ZAR1L: variants seen among roughly 807,000 people sequenced by gnomAD.
The protein encoded by ZAR1L is protein ZAR1-like.
Under a neutral mutation model 30.0 loss-of-function variants are expected in ZAR1L, and 16 were observed. That is an observed-to-expected ratio of 0.53 (90% CI 0.36 to 0.81). The LOEUF (loss-of-function observed/expected upper bound fraction) is 0.81, where lower values mean the gene tolerates loss of function less well. Among genes scored for constraint, ZAR1L ranks in the 30% least tolerant of loss-of-function variants. The pLI is 0.00. For synonymous variants in ZAR1L, 197 were observed against 166.8 expected, an observed-to-expected ratio of 1.18 and a Z score of -1.40; for missense variants, 392 against 417.2, an observed-to-expected ratio of 0.94 and a Z score of 0.53.
Position 32,310,723 on chromosome 13 carries a change from T to C in ZAR1L, c.663A>G (p.Glu221=). The stretch of plus-strand genomic sequence containing the variant: ...TACAGTGGAAATAGCCATATTTTGG[T>C]TCCAAAAACTGAAAATAAAGAAGAA... ...PLRRPNFQFL[E]PKYGYFHCKD... Residue 221 remains glutamate, a synonymous_variant, in exon 4 of 6, where the codon GAA becomes GAG. Transcript: ENST00000533490. 1.3e-6 allele frequency: 2 copies of C among 1,550,182 alleles called. No individual in the cohort carries two copies. Among genetic ancestry groups the C allele is most frequent in the Non-Finnish European group, 1.7e-6 (2 of 1,145,664 alleles).
At chr13:32,312,202 G>T in intron 2 of ZAR1L, 109 bp from the exon 3 acceptor site, 2 of 398,578 alleles carry the variant, frequency 5.0e-6, no homozygotes, top group South Asian at 8.5e-5. Flanking sequence ...TTTCAAAGCT[G>T]TTTTTCATTT....
intron 5 of ZAR1L, among the ~76,000 whole-genome samples, chr13:32,305,415 A>G (rs1048317134): frequency 6.6e-6 from 1 of 151,738 alleles, no homozygotes. Context: ...TTTAGTAGAG[A>G]TGGGGTTTCA....
At chr13:32,309,357 T>A (rs1305446442) in intron 4 of ZAR1L, among the ~76,000 whole-genome samples, 1 of 152,206 alleles carries the variant, frequency 6.6e-6, no homozygotes, top group East Asian at 1.9e-4. Flanking sequence ...GTACACCAAG[T>A]ACCACAGTAG....
chr13:32,311,929 C>T lies in ZAR1L; in HGVS notation c.-4G>A. On this transcript the variant is annotated 5_prime_UTR_variant, in exon 3 of 6. Coordinates refer to ENST00000533490, the MANE Select transcript of ZAR1L (RefSeq NM_001136571.2). The stretch of plus-strand genomic sequence containing the variant: ...GAACACGGACAAAGCGCTCCATCCG[C>T]TCTCAGGTGCTCAGGCGCAGTCTAA... The T allele has an allele frequency of 6.5e-7, 1 of 1,541,194 alleles. No individual in the cohort carries two copies. Among genetic ancestry groups the T allele is most frequent in the South Asian group, 1.2e-5 (1 of 82,684 alleles).
chr13:32,307,698 C>A (rs1479289324), intron 5 of ZAR1L, among the ~76,000 whole-genome samples: 1 of 151,306 alleles, frequency 6.6e-6, no homozygotes, highest in Admixed American at 6.6e-5. Flanking sequence ...ACATTTAAAC[C>A]CAGTTTAATA....
At position 32,311,763 on chromosome 13, in the gene ZAR1L, C is replaced by T. The variant is rs1449491146; in HGVS notation, c.163G>A (p.Ala55Thr). 6.4e-7 allele frequency: 1 copy of T among 1,551,554 alleles called. No individual in the cohort carries two copies. The highest frequency in any genetic ancestry group is 8.7e-7 in the Non-Finnish European group (1 of 1,147,010). The change falls in exon 3 of 6, where the codon GCC (alanine) becomes ACC (threonine). Residue 55 changes from alanine to threonine, a missense_variant. By Grantham distance (58) the Ala-to-Thr change is moderately conservative. Transcript: ENST00000533490. ...TAAGGGTCAATGCAGTAGTCAGGGG[C>T]GTTCGCGGGCACCAGCAGCCCTGGC... ...ARPGLLVPAN[A>T]PDYCIDPYKR...
At chr13:32,304,613 T>C (rs1020526061) in intron 5 of ZAR1L, among the ~76,000 whole-genome samples, 1 of 152,192 alleles carries the variant, frequency 6.6e-6, no homozygotes, top group Non-Finnish European at 1.5e-5. Flanking sequence ...AATGTTTCTT[T>C]TCTTCTTCTT....
In ZAR1L at chr13:32,308,717, T is replaced by G. The variant is rs1219630003; in HGVS notation, c.791A>C (p.Asn264Thr). 6.4e-7 allele frequency: 1 copy of G among 1,551,304 alleles called. No homozygotes were observed. Among genetic ancestry groups the G allele is most frequent in the East Asian group, 2.4e-5 (1 of 40,872 alleles). The change falls in exon 5 of 6, where the codon AAC (asparagine) becomes ACC (threonine). Residue 264 changes from asparagine (N) to threonine (T), a missense_variant. Transcript: ENST00000533490. ...QLCCKCQKSF[N>T]PYRVEAIQCQ... Reference sequence around the variant, plus strand: ...TTGGATTGCTTCTACTCGATAAGGGTTAAAACTCTTTTGGCATTTACAACA... The same window carrying G: ...TTGGATTGCTTCTACTCGATAAGGGGTAAAACTCTTTTGGCATTTACAACA...
chr13:32,308,426 A>G (rs1182877004), intron 5 of ZAR1L, among the ~76,000 whole-genome samples: 1 of 152,280 alleles, frequency 6.6e-6, no homozygotes, highest in East Asian at 1.9e-4. Context: ...TTACATTACT[A>G]CATTCTAACT....
At chr13:32,308,793 C>G (rs1193797537) in intron 4 of ZAR1L, 33 bp from the exon 5 acceptor site, 3 of 1,410,134 alleles carry the variant, frequency 2.1e-6, no homozygotes, top group Admixed American at 4.0e-5. Flanking sequence ...TTAATACAAG[C>G]TTTTATACAC....
intron 5 of ZAR1L, 88 bp from the exon 6 acceptor site, chr13:32,304,110 A>C: frequency 7.3e-7 from 1 of 1,369,662 alleles, no homozygotes; most frequent in Non-Finnish European, 9.7e-7. Context: ...TCTCCCTATT[A>C]CCCTATCCCT....
rs1007027185 is a variant in ZAR1L at position 32,303,947 on chromosome 13, G to A, written c.898C>T (p.Leu300=). ...IDLRRPHRQE[L]CGRCKDKRFS... ...CTCTTGTCTTTGCAGCGACCACACA[G>A]TTCCTGTCGATGAGGCCTCCTTAGA... Residue 300 remains leucine, a synonymous_variant, in exon 6 of 6, where the codon CTG becomes TTG. Coordinates refer to ENST00000533490, the MANE Select transcript of ZAR1L (RefSeq NM_001136571.2). 1 of 1,551,828 alleles carries A rather than the reference G, an allele frequency of 6.4e-7. No homozygotes were observed. The highest frequency in any genetic ancestry group is 1.4e-5 in the African/African-American group (1 of 73,042).
intron 5 of ZAR1L, among the ~76,000 whole-genome samples, chr13:32,304,629 T>C (rs2072160825): frequency 6.6e-6 from 1 of 152,278 alleles, no homozygotes; most frequent in African/African-American, 2.4e-5. Flanking sequence ...TTCTTTTCGA[T>C]GTGCCCAATC....
At position 32,310,857 on chromosome 13, in the gene ZAR1L, T is replaced by C. The variant is rs533144069; in HGVS notation, c.655-126A>G. ...CCTCACTTGTATCTATTCTCAAGAC[T>C]ACGGCATTGATTCAGTTTCTCATCT... is the stretch of plus-strand genomic sequence containing the variant. On this transcript the variant is annotated intron_variant, in intron 3 of 5. Transcript: ENST00000533490. 17 of 684,018 alleles carry C rather than the reference T, an allele frequency of 2.5e-5. No homozygotes were observed. The South Asian group carries it at 2.7e-4, about 11-fold the overall frequency. 42.4% of individuals were successfully genotyped at this position (684,018 alleles called of 1,614,324 possible).
intron 5 of ZAR1L, among the ~76,000 whole-genome samples, chr13:32,304,336 C>G (rs927209250): frequency 1.3e-5 from 2 of 152,128 alleles, no homozygotes; most frequent in African/African-American, 2.4e-5. Context: ...TGTAGCTGAA[C>G]CAGTCAAGGC....
At chr13:32,307,595 G>A (rs1161803572) in intron 5 of ZAR1L, among the ~76,000 whole-genome samples, 2 of 144,830 alleles carry the variant, frequency 1.4e-5, no homozygotes, top group African/African-American at 2.6e-5. Context: ...CCATCAAAAG[G>A]ACATTAAAAA....
At chr13:32,305,477 C>T (rs1161810997) in intron 5 of ZAR1L, among the ~76,000 whole-genome samples, 12 of 151,806 alleles carry the variant, frequency 7.9e-5, no homozygotes, top group East Asian at 3.9e-4. Context: ...CCACCCGCCT[C>T]GGCCTCCCAA....
intron 5 of ZAR1L, 121 bp downstream of exon 5, chr13:32,308,565 T>C: frequency 1.5e-6 from 1 of 683,314 alleles, no homozygotes; most frequent in Non-Finnish European, 2.4e-6. Flanking sequence ...AAATGTAACA[T>C]CTCAAACATA....
chr13:32,304,528 A>T (rs975134490), intron 5 of ZAR1L, among the ~76,000 whole-genome samples: 4 of 152,228 alleles, frequency 2.6e-5, no homozygotes, highest in Non-Finnish European at 1.5e-5. Flanking sequence ...CTCCAACCCC[A>T]GTGGACATCT....
Sources: gnomAD v4.1 joint callset for allele counts (sites outside exome capture counted in the v4.1 genomes callset) on GRCh38, gnomAD v4.1.1 for gene constraint, MANE v1.5 for transcripts, NCBI Gene and HGNC (gene_info 2026-07-23, HGNC 2026-07-21) for gene names.